Variants in MAU2 observed in about 807,000 individuals in gnomAD.
MAU2 encodes MAU2 chromatid cohesion factor homolog.
A neutral mutation model predicts 89.1 loss-of-function variants in MAU2; 9 were observed. That is an observed-to-expected ratio of 0.10 (90% CI 0.06 to 0.18). MAU2 has a LOEUF of 0.18. Ranked by LOEUF, MAU2 falls within the 10% of genes least tolerant of loss-of-function variation. The probability of loss-of-function intolerance (pLI) is 1.00; values close to 1 mark genes in which losing one functional copy is unlikely to be tolerated. For missense variants in MAU2, 425 were observed against 803.5 expected (o/e 0.53, Z 5.69); for synonymous variants, 357 against 343.4 (o/e 1.04, Z -0.44).
chr19:19,343,793 C>T (rs1267040829), intron 9 of MAU2, 44 bp from the exon 10 acceptor site: 7 of 1,481,548 alleles, frequency 4.7e-6, no homozygotes, highest in African/African-American at 1.4e-5. Flanking sequence ...GGTGGCGCCT[C>T]CTCTGGCCTC....
chr19:19,326,468 C>T (rs967379879), intron 1 of MAU2, among the ~76,000 whole-genome samples: 33 of 151,414 alleles, frequency 2.2e-4, no homozygotes, highest in South Asian at 2.1e-4. Context: ...GGGCGGATCA[C>T]GAGGTCAGGA....
At chr19:19,348,497 C>A (rs1472986589) in intron 13 of MAU2, 4 of 383,328 alleles carry the variant, frequency 1.0e-5, no homozygotes, top group Non-Finnish European at 4.9e-6. Flanking sequence ...ATCACGCCCC[C>A]ATCAGAGCCT....
rs367544518 is a variant in MAU2 at position 19,335,798 on chromosome 19, A to T, written c.294+63A>T. 3,414 of 1,582,280 alleles carry T rather than the reference A, an allele frequency of 2.2e-3. 9 individuals carry two copies. The highest frequency in any genetic ancestry group is 2.5e-3 in the South Asian group (229 of 90,450). ...TTCTCCACTTAAATAAAAAGAATGT[A>T]TCAAAGCTTGAATCCCACCTCCCGA... On this transcript the variant is annotated intron_variant, in intron 2 of 18. Transcript: ENST00000262815.
intron 1 of MAU2, among the ~76,000 whole-genome samples, chr19:19,323,436 C>T (rs1335584973): frequency 3.9e-5 from 6 of 152,282 alleles, no homozygotes; most frequent in African/African-American, 7.2e-5. Context: ...TCAAGTGATC[C>T]GCCCATCTTG....
chr19:19,344,989 A>T, intron 11 of MAU2, 63 bp downstream of exon 11: 1 of 1,466,338 alleles, frequency 6.8e-7, no homozygotes, highest in African/African-American at 1.4e-5. Context: ...TAAGTACCTA[A>T]CCAGATCCAG....
Position 19,344,884 on chromosome 19 carries a change from C to G in MAU2, c.1113C>G (p.Pro371=). ...TCTGCCAGCTGTGCCAGCAGTCCCC[C>G]CGGCTCTTCTCCAACCATGCAGCAC... ...SQVCQLCQQS[P]RLFSNHAAQL... is the part of the protein sequence containing the mutation. Residue 371 remains proline, a synonymous_variant, in exon 11 of 19, where the codon CCC becomes CCG. Coordinates refer to ENST00000262815, the MANE Select transcript of MAU2 (RefSeq NM_015329.4). 1.2e-6 allele frequency: 2 copies of G among 1,613,846 alleles called. No homozygotes were observed. The highest frequency in any genetic ancestry group is 1.7e-6 in the Non-Finnish European group (2 of 1,179,998).
Position 19,357,780 on chromosome 19 carries a change from A to G in MAU2, c.*1998A>G, listed in dbSNP as rs964297251. On this transcript the variant is annotated 3_prime_UTR_variant, in exon 19 of 19. Transcript: ENST00000262815. ...ATATTTAATATTCTACTCGAGCTTT[A>G]TGGAAGCCAAATCATGTGCATGTGT... 1 of 152,210 alleles carries G rather than the reference A, an allele frequency of 6.6e-6. No individual in the cohort carries two copies. The highest frequency in any genetic ancestry group is 2.4e-5 in the African/African-American group (1 of 41,422). 9.4% of individuals were successfully genotyped at this position (152,210 alleles called of 1,614,324 possible).
intron 4 of MAU2, 97 bp downstream of exon 4, chr19:19,337,362 G>GCAGA (rs2061605915): frequency 3.2e-6 from 3 of 943,286 alleles, no homozygotes; most frequent in Admixed American, 2.0e-5. Context: ...TCCACGATGC[G>GCAGA]CAGACCCCCT....
At chr19:19,353,356 G>A (rs937607728) in intron 16 of MAU2, 2 of 152,248 alleles carry the variant, frequency 1.3e-5, no homozygotes, top group South Asian at 4.1e-4. Context: ...CCTAGCGGAA[G>A]AGAGCAGTTT....
At chr19:19,337,990 C>T (rs1351719281) in intron 4 of MAU2, among the ~76,000 whole-genome samples, 2 of 152,212 alleles carry the variant, frequency 1.3e-5, no homozygotes, top group African/African-American at 4.8e-5. Flanking sequence ...GACCCTCAGG[C>T]GGGTGGCCGG....
intron 4 of MAU2, among the ~76,000 whole-genome samples, chr19:19,337,575 C>G (rs2061607603): frequency 6.6e-6 from 1 of 152,202 alleles, no homozygotes; most frequent in Admixed American, 6.5e-5. Context: ...TTTGGGTTCC[C>G]CTCCCTCCCA....
intron 7 of MAU2, 92 bp from the exon 8 acceptor site, chr19:19,342,443 C>T: frequency 4.2e-6 from 6 of 1,440,318 alleles, no homozygotes; most frequent in Non-Finnish European, 5.5e-6. Context: ...AAGGCAGATG[C>T]TCCCTAGAGG....
chr19:19,343,250 G>C lies in MAU2; in HGVS notation c.973+384G>C, dbSNP rs576807509. Among the ~76,000 whole-genome samples, 4 of 152,326 alleles carry C rather than the reference G, an allele frequency of 2.6e-5. No homozygotes were observed. In the South Asian group the frequency reaches 8.3e-4, roughly 32 times the overall value. On this transcript the variant is annotated intron_variant, in intron 9 of 18. Coordinates refer to ENST00000262815, the MANE Select transcript of MAU2 (RefSeq NM_015329.4). Reference sequence around the variant, plus strand: ...TCGTGAGTTCTTTCCAGATGCTCAAGTGTCTAATCCATCCAGGGACCTTTG... The same window carrying C: ...TCGTGAGTTCTTTCCAGATGCTCAACTGTCTAATCCATCCAGGGACCTTTG...
intron 1 of MAU2, among the ~76,000 whole-genome samples, chr19:19,331,443 A>G (rs1445515181): frequency 1.3e-5 from 2 of 151,646 alleles, no homozygotes; most frequent in African/African-American, 2.4e-5. Context: ...TGGAGCTTGC[A>G]GTGAGCTGAG....
At chr19:19,351,771 G>C (rs2061746642) in intron 16 of MAU2, among the ~76,000 whole-genome samples, 1 of 150,186 alleles carries the variant, frequency 6.7e-6, no homozygotes, top group Non-Finnish European at 1.5e-5. Context: ...GCATGTCTCT[G>C]TCATCCATCC....
chr19:19,328,454 C>T (rs2061529284), intron 1 of MAU2, among the ~76,000 whole-genome samples: 2 of 150,424 alleles, frequency 1.3e-5, no homozygotes, highest in African/African-American at 2.5e-5. Context: ...CAGAGTCTCA[C>T]TCTGTTGCCC....
Position 19,343,839 on chromosome 19 carries a change from C to T in MAU2, c.976C>T (p.Leu326=), listed in dbSNP as rs922496050. 1.9e-6 allele frequency: 3 copies of T among 1,612,630 alleles called. No homozygotes were observed. Among genetic ancestry groups the T allele is most frequent in the East Asian group, 2.2e-5 (1 of 44,866 alleles). The change falls in exon 10 of 19, where the codon CTG becomes TTG. Residue 326 remains leucine, a splice_region_variant and synonymous_variant. Coordinates refer to ENST00000262815, the MANE Select transcript of MAU2 (RefSeq NM_015329.4). The stretch of plus-strand genomic sequence containing the variant: ...TTACCCCTGACTCTCACCCATAGTG[C>T]TGGACTGCAGCCCCATCCTGTCATC... The part of the protein sequence containing the change: ...ALMQLEKLKM[L]DCSPILSSFQ...
chr19:19,321,764 C>T (rs1414665419), intron 1 of MAU2: 2 of 152,122 alleles, frequency 1.3e-5, no homozygotes, highest in African/African-American at 4.8e-5. Context: ...CATTTGAGGC[C>T]TATGAGGAGG....
At chr19:19,348,688 G>A in intron 13 of MAU2, 1 of 671,582 alleles carries the variant, frequency 1.5e-6, no homozygotes, top group South Asian at 1.7e-5. Context: ...GGGTGGCACA[G>A]GCAGGGCTGG....
Sources: allele counts gnomAD v4.1 joint callset (sites outside exome capture counted in the v4.1 genomes callset), GRCh38; gene constraint gnomAD v4.1.1; transcripts MANE v1.5; gene names NCBI Gene and HGNC (gene_info 2026-07-23, HGNC 2026-07-21).